PGM2: variants seen among roughly 807,000 people sequenced by gnomAD.
PGM2 encodes the protein phosphoglucomutase 2.
Under a neutral mutation model 74.6 loss-of-function variants are expected in PGM2, and 57 were observed. The ratio of observed to expected loss-of-function variants is 0.76; its 90% CI spans 0.62 to 0.95. The LOEUF is 0.95. PGM2 is among the 40% of genes least tolerant of loss of function. PGM2 has a pLI of 0.00. For missense variants in PGM2, 706 were observed against 741.9 expected (o/e 0.95, Z 0.56); for synonymous variants, 273 against 260.7 (o/e 1.05, Z -0.46).
In PGM2 at chr4:37,840,962, G is replaced by GTATATA. The variant is rs376186917; in HGVS notation, c.719+704_719+705insATATAT. On this transcript the variant is annotated intron_variant, in intron 6 of 13. Transcript: ENST00000381967. The stretch of plus-strand genomic sequence containing the variant: ...CATACATGTAAGTGTGTGTGTGTGT[G>GTATATA]TGTATATATATATATATATATGTAT... Among the ~76,000 whole-genome samples, 143 of 140,938 alleles carry GTATATA rather than the reference G, an allele frequency of 1.0e-3. 3 individuals carry two copies. Among genetic ancestry groups the GTATATA allele is most frequent in the Non-Finnish European group, 9.4e-4 (61 of 64,798 alleles). 92.5% of individuals were successfully genotyped at this position (140,938 alleles called of 152,430 possible).
At position 37,829,974 on chromosome 4, in the gene PGM2, C is replaced by T. The variant is rs1487421932; in HGVS notation, c.92C>T (p.Thr31Ile). The T allele has an allele frequency of 6.3e-7, 1 of 1,595,908 alleles. No homozygotes were observed. Among genetic ancestry groups the T allele is most frequent in the Admixed American group, 1.8e-5 (1 of 55,758 alleles). Reference protein sequence around the residue: ...QWLRWDKNSLTLEAVKRLIAE... With the variant: ...QWLRWDKNSLILEAVKRLIAE... ...ATTTTTGTTTTTCAGAATTCCTTAA[C>T]TTTGGAGGCAGTGAAACGACTAATA... Residue 31 changes from threonine to isoleucine, a missense_variant, in exon 2 of 14, where the codon ACT becomes ATT. Transcript: ENST00000381967.
At position 37,850,345 on chromosome 4, in the gene PGM2, AT is replaced by A; in HGVS notation, c.1575del (p.Tyr525Ter). On this transcript the variant is annotated frameshift_variant, in exon 12 of 14. Transcript: ENST00000381967. LOFTEE classifies it high-confidence loss of function. ...ISAIRDLTTG[Y>X]DDSQPDKKAV... ...GCCATTAGGGACCTTACAACTGGCT[AT>A]GATGATAGCCAACCTGATAAAAAAG... The A allele has an allele frequency of 6.4e-7, 1 of 1,564,522 alleles. No homozygotes were observed. The highest frequency in any genetic ancestry group is 8.6e-7 in the Non-Finnish European group (1 of 1,163,804).
intron 6 of PGM2, among the ~76,000 whole-genome samples, chr4:37,841,152 G>C (rs1289620843): frequency 3.0e-5 from 3 of 101,094 alleles, no homozygotes; most frequent in Non-Finnish European, 5.8e-5. Context: ...CCATAAATAG[G>C]AATATTTGTG....
chr4:37,843,679 G>A lies in PGM2; in HGVS notation c.720-685G>A, dbSNP rs184756121. ...GGTTGGAATGCAGTGGCACAATCTCGGCTCACTGCAACCTCCACCTCCCAG... is the reference window on the plus strand; with the variant it reads ...GGTTGGAATGCAGTGGCACAATCTCAGCTCACTGCAACCTCCACCTCCCAG... On this transcript the variant is annotated intron_variant, in intron 6 of 13. Transcript: ENST00000381967. Among the ~76,000 whole-genome samples, 177 of 150,796 alleles carry A rather than the reference G, an allele frequency of 1.2e-3. 5 individuals are homozygous for A. The East Asian group carries it at 0.031, about 27-fold the overall frequency.
chr4:37,855,556 G>T (rs1726170940), intron 12 of PGM2, 52 bp from the exon 13 acceptor site: 2 of 1,511,596 alleles, frequency 1.3e-6, no homozygotes, highest in African/African-American at 1.4e-5. Context: ...GAAGATATTG[G>T]TTAGGCCAGA....
chr4:37,857,873 A>G (rs1352542996), intron 13 of PGM2, among the ~76,000 whole-genome samples: 1 of 152,180 alleles, frequency 6.6e-6, no homozygotes, highest in African/African-American at 2.4e-5. Context: ...TTGCTGCTAT[A>G]TTGCATATAG....
chr4:37,856,764 T>C (rs6811224), intron 13 of PGM2, among the ~76,000 whole-genome samples: 44,260 of 152,110 alleles, frequency 0.29, 9,746 homozygotes, highest in African/African-American at 0.61. Flanking sequence ...CAGTGCTGTC[T>C]GACAGAACTA....
rs748906601 is a variant in PGM2 at position 37,861,573 on chromosome 4, C to T, written c.1800C>T (p.Phe600=). The change falls in exon 14 of 14, where the codon TTC becomes TTT. Residue 600 remains phenylalanine (F), a synonymous_variant. Transcript: ENST00000381967. The part of the protein sequence containing the change: ...ELVSAIEEHF[F]QPQKYNLQPK... ...TCAGTGCTATTGAAGAACATTTTTT[C>T]CAGCCACAGAAGTACAATCTGCAGC... The T allele has an allele frequency of 1.2e-6, 2 of 1,613,052 alleles. No homozygotes were observed. Among genetic ancestry groups the T allele is most frequent in the Non-Finnish European group, 1.7e-6 (2 of 1,179,304 alleles).
chr4:37,833,960 TGGATACAAATCCA>T (rs1725500536), intron 2 of PGM2, among the ~76,000 whole-genome samples: 1 of 152,170 alleles, frequency 6.6e-6, no homozygotes, highest in Admixed American at 6.5e-5. Context: ...TCACCAGCCC[TGGATACAAATCCA>T]GGCTCTGCTA....
chr4:37,834,444 A>G (rs553740265), intron 2 of PGM2, among the ~76,000 whole-genome samples, 174 bp from the exon 3 acceptor site: 50 of 152,266 alleles, frequency 3.3e-4, no homozygotes, highest in African/African-American at 1.0e-3. Context: ...TAGATAATAA[A>G]CAAAGCTGTT....
chr4:37,836,232 T>G (rs1196256626), intron 3 of PGM2, among the ~76,000 whole-genome samples: 1 of 152,210 alleles, frequency 6.6e-6, no homozygotes, highest in East Asian at 1.9e-4. Flanking sequence ...GTTACTGATT[T>G]AAGCTTATGG....
intron 6 of PGM2, among the ~76,000 whole-genome samples, chr4:37,842,119 G>A (rs1011067117): frequency 1.1e-4 from 17 of 150,312 alleles, no homozygotes; most frequent in Non-Finnish European, 2.4e-4. Flanking sequence ...CTATGTGTTT[G>A]TTCACCTTTT....
At chr4:37,834,556 T>C (rs1255821602) in intron 2 of PGM2, 62 bp from the exon 3 acceptor site, 2 of 818,228 alleles carry the variant, frequency 2.4e-6, no homozygotes, top group Admixed American at 5.0e-5. Context: ...GGCTAATTTT[T>C]CTATATGGTA....
At chr4:37,846,630 C>T (rs1393499008) in intron 8 of PGM2, among the ~76,000 whole-genome samples, 1 of 152,164 alleles carries the variant, frequency 6.6e-6, no homozygotes, top group African/African-American at 2.4e-5. Context: ...AAACCAAAGG[C>T]TTTGCCAAAG....
At chr4:37,846,871 T>G (rs1214286306) in intron 8 of PGM2, 60 bp from the exon 9 acceptor site, 1 of 1,356,786 alleles carries the variant, frequency 7.4e-7, no homozygotes, top group Non-Finnish European at 1.0e-6. Flanking sequence ...CCATGACACT[T>G]TAGAGTCTTC....
intron 6 of PGM2, among the ~76,000 whole-genome samples, chr4:37,840,706 C>T (rs144797060): frequency 4.2e-4 from 64 of 152,228 alleles, no homozygotes; most frequent in African/African-American, 1.5e-3. Flanking sequence ...ATTTTAGAGG[C>T]TGTAGATCAA....
At chr4:37,850,484 GCGTGATTATAAATAA>G in intron 12 of PGM2, 111 bp downstream of exon 12, 1 of 636,686 alleles carries the variant, frequency 1.6e-6, no homozygotes, top group Non-Finnish European at 2.5e-6. Context: ...AGGCACTTAG[GCGTGATTATAAATAA>G]GCTATAAAAA....
At chr4:37,828,249 G>A (rs1294141919) in intron 1 of PGM2, among the ~76,000 whole-genome samples, 2 of 151,970 alleles carry the variant, frequency 1.3e-5, no homozygotes, top group Non-Finnish European at 2.9e-5. Context: ...AGTTCATAAT[G>A]CACTTTCTCT....
At position 37,844,468 on chromosome 4, in the gene PGM2, C is replaced by G. The variant is rs141789840; in HGVS notation, c.824C>G (p.Pro275Arg). 6.2e-7 allele frequency: 1 copy of G among 1,613,458 alleles called. No homozygotes were observed. Among genetic ancestry groups the G allele is most frequent in the African/African-American group, 1.3e-5 (1 of 74,906 alleles). Residue 275 changes from proline (P) to arginine (R), a missense_variant, in exon 7 of 14, where the codon CCT becomes CGT. By Grantham distance (103) the Pro-to-Arg change is moderately radical (BLOSUM62 -2). Transcript: ENST00000381967. ...TTCAAGGCTTTTGACCTTGTTCCTC[C>G]TGAGGCTGTTCCTGAACAGAAAGAT... ...SAFKAFDLVP[P>R]EAVPEQKDPD...
Sources: gnomAD v4.1 joint callset for allele counts (sites outside exome capture counted in the v4.1 genomes callset) on GRCh38, gnomAD v4.1.1 for gene constraint, MANE v1.5 for transcripts, NCBI Gene and HGNC (gene_info 2026-07-23, HGNC 2026-07-21) for gene names.